The following HTR2C variants were observed in gnomAD, a reference collection of about 807,000 sequenced individuals.
The protein encoded by HTR2C is 5-hydroxytryptamine (serotonin) receptor 2C, G protein-coupled.
Under a neutral mutation model 21.0 loss-of-function variants are expected in HTR2C, and 5 were observed. The ratio of observed to expected loss-of-function variants is 0.24; its 90% confidence interval spans 0.12 to 0.50. HTR2C has a LOEUF of 0.50. Ranked by LOEUF, HTR2C falls within the 20% of genes least tolerant of loss-of-function variation. HTR2C has a pLI of 0.98. For missense variants in HTR2C, 271 were observed against 371.2 expected (o/e 0.73, Z 2.22); for synonymous variants, 150 against 145.3 (o/e 1.03, Z -0.23).
chrX:114,901,175 G>A (rs895268180), intron 5 of HTR2C, among the ~76,000 whole-genome samples: 9 of 112,523 alleles, frequency 8.0e-5, no homozygotes, highest in African/African-American at 2.9e-4. Flanking sequence ...TGAAAGAAAT[G>A]TGCCTCTTAG....
At chrX:114,634,945 C>T (rs782481573) in intron 2 of HTR2C, among the ~76,000 whole-genome samples, 26 of 112,399 alleles carry the variant, frequency 2.3e-4, no homozygotes, top group African/African-American at 5.8e-4. Flanking sequence ...ACTGTACAAT[C>T]AGCAATGATC....
rs782286350 is a variant in HTR2C at position 114,852,424 on chromosome X, A to C, written c.550+4221A>C. Among the ~76,000 whole-genome samples, 583 of 110,899 alleles carry C rather than the reference A, an allele frequency of 5.3e-3. 6 individuals are homozygous for C. The highest frequency in any genetic ancestry group is 0.018 in the African/African-American group (559 of 30,556). On this transcript the variant is annotated intron_variant, in intron 5 of 5. Transcript: ENST00000276198. ...CTTCTTGAATTTATTTTTGCAAAAA[A>C]AAAAAAGATTATACACAAATACACG...
At chrX:114,685,171 A>G (rs1316575930) in intron 2 of HTR2C, among the ~76,000 whole-genome samples, 1 of 111,833 alleles carries the variant, frequency 8.9e-6, no homozygotes, top group Non-Finnish European at 1.9e-5. Context: ...ATTAATTTAT[A>G]TCATTAATAA....
chrX:114,889,083 G>T (rs188227535), intron 5 of HTR2C, among the ~76,000 whole-genome samples: 34 of 111,633 alleles, frequency 3.0e-4, no homozygotes, highest in African/African-American at 1.1e-3. Context: ...TTATAATGTA[G>T]TAACTCTGGA....
intron 1 of HTR2C, among the ~76,000 whole-genome samples, chrX:114,586,841 A>G (rs1927419180): frequency 9.0e-6 from 1 of 111,105 alleles, no homozygotes; most frequent in Non-Finnish European, 1.9e-5. Flanking sequence ...TAGCAAGTCT[A>G]TGAATGACGG....
intron 2 of HTR2C, among the ~76,000 whole-genome samples, chrX:114,677,505 C>T (rs1354944916): frequency 9.0e-6 from 1 of 110,670 alleles, no homozygotes; most frequent in Non-Finnish European, 1.9e-5. Flanking sequence ...TGATGAAGCA[C>T]TTACTAGAAT....
At chrX:114,849,674 C>T (rs2070900383) in intron 5 of HTR2C, among the ~76,000 whole-genome samples, 1 of 111,775 alleles carries the variant, frequency 8.9e-6, no homozygotes, top group South Asian at 3.7e-4. Flanking sequence ...GATTAAATCA[C>T]CATAGACATG....
chrX:114,738,741 G>A (rs1268485223), intron 4 of HTR2C, among the ~76,000 whole-genome samples: 1 of 109,670 alleles, frequency 9.1e-6, no homozygotes, highest in Non-Finnish European at 1.9e-5. Context: ...ACCACCACAG[G>A]ACATGTATAC....
rs1338763943 is a variant in HTR2C, at chrX:114,584,556, G to T, written c.-250G>T. 3 of 113,010 alleles carry T rather than the reference G, an allele frequency of 2.7e-5. No individual in the cohort carries two copies. The highest frequency in any genetic ancestry group is 9.6e-5 in the African/African-American group (3 of 31,137). 9.3% of individuals were successfully genotyped at this position (113,010 alleles called of 1,213,427 possible). On this transcript the variant is annotated 5_prime_UTR_variant, in exon 1 of 6. Coordinates refer to ENST00000276198, the MANE Select transcript of HTR2C (RefSeq NM_000868.4). The stretch of plus-strand genomic sequence containing the variant: ...GGCGCGCAGCGCAGCGCAGCTCAGC[G>T]CACCGACTGCCGCGGGCTCCGCTGG...
intron 1 of HTR2C, among the ~76,000 whole-genome samples, chrX:114,604,937 G>C (rs782155238): frequency 1.8e-5 from 2 of 111,473 alleles, no homozygotes; most frequent in African/African-American, 6.5e-5. Flanking sequence ...AAATCCTGTT[G>C]TGGGGTTTGA....
At chrX:114,833,324 T>G (rs1306745448) in intron 4 of HTR2C, among the ~76,000 whole-genome samples, 1 of 103,366 alleles carries the variant, frequency 9.7e-6, no homozygotes, top group African/African-American at 3.4e-5. Flanking sequence ...TGAATCCATC[T>G]GGTCCTGGAC....
chrX:114,897,933 T>A (rs1052503573), intron 5 of HTR2C, among the ~76,000 whole-genome samples: 5 of 112,358 alleles, frequency 4.5e-5, no homozygotes, highest in Non-Finnish European at 9.4e-5. Flanking sequence ...GTAATGGGAT[T>A]GCTGTGTTGA....
chrX:114,907,733 G>A lies in HTR2C; in HGVS notation c.*318G>A. ...TTTCTCTCTTTCTTTTGTGCATATG[G>A]CAACGTTCATGTTCATCTCAGGTGG... On this transcript the variant is annotated 3_prime_UTR_variant, in exon 6 of 6. Transcript: ENST00000276198. 5.1e-6 allele frequency: 1 copy of A among 196,801 alleles called. No individual in the cohort carries two copies. Among genetic ancestry groups the A allele is most frequent in the Admixed American group, 6.8e-5 (1 of 14,734 alleles). 16.2% of individuals were successfully genotyped at this position (196,801 alleles called of 1,213,427 possible).
intron 1 of HTR2C, among the ~76,000 whole-genome samples, chrX:114,594,046 T>C (rs1927735653): frequency 8.9e-6 from 1 of 111,824 alleles, no homozygotes; most frequent in Non-Finnish European, 1.9e-5. Flanking sequence ...CTTTTTGTCT[T>C]TTGTTATTTA....
At chrX:114,684,209 T>C (rs781915772) in intron 2 of HTR2C, among the ~76,000 whole-genome samples, 1 of 111,933 alleles carries the variant, frequency 8.9e-6, no homozygotes, top group East Asian at 2.8e-4. Flanking sequence ...CTTAGAACTT[T>C]CCTGAAGTGT....
chrX:114,660,677 TG>T (rs782717094), intron 2 of HTR2C, among the ~76,000 whole-genome samples: 1 of 112,490 alleles, frequency 8.9e-6, no homozygotes, highest in African/African-American at 3.2e-5. Context: ...CCTTTAATAT[TG>T]CACACTGAGA....
At chrX:114,858,475 A>T (rs2070980984) in intron 5 of HTR2C, among the ~76,000 whole-genome samples, 1 of 111,179 alleles carries the variant, frequency 9.0e-6, no homozygotes, top group East Asian at 2.8e-4. Context: ...GCTATTGTAA[A>T]TATTTCTAGT....
rs782114887 is a variant in HTR2C at position 114,683,338 on chromosome X, A to G, written c.-79-43520A>G. On this transcript the variant is annotated intron_variant, in intron 2 of 5. Transcript: ENST00000276198. ...TCATACAAAACAAACACATTCATAC[A>G]CAGATGTACCTGAATGCCATATTGA... 1.7e-4 allele frequency among the ~76,000 whole-genome samples: 18 copies of G among 108,843 alleles called. No individual in the cohort carries two copies. In the South Asian group the frequency reaches 6.0e-3, roughly 36 times the overall value. 94.5% of individuals were successfully genotyped at this position (108,843 alleles called of 115,157 possible).
intron 4 of HTR2C, among the ~76,000 whole-genome samples, chrX:114,779,219 A>G (rs1424823280): frequency 1.8e-5 from 2 of 111,505 alleles, no homozygotes; most frequent in African/African-American, 6.5e-5. Flanking sequence ...TGCAGCTGAT[A>G]TCTTAAATAT....
Sources: gnomAD v4.1 joint callset for allele counts (sites outside exome capture counted in the v4.1 genomes callset) on GRCh38, gnomAD v4.1.1 for gene constraint, MANE v1.5 for transcripts, NCBI Gene and HGNC (gene_info 2026-07-23, HGNC 2026-07-21) for gene names.